The following LRRC37A3 variants were observed in gnomAD, a reference collection of about 807,000 sequenced individuals.
LRRC37A3 encodes leucine-rich repeat-containing protein 37A3.
A neutral mutation model predicts 106.2 loss-of-function variants in LRRC37A3; 25 were observed. The ratio of observed to expected loss-of-function variants is 0.24; its 90% CI spans 0.17 to 0.33. The LOEUF (loss-of-function observed/expected upper bound fraction) is 0.33, where lower values mean the gene tolerates loss of function less well. Among genes scored for constraint, LRRC37A3 ranks in the 10% least tolerant of loss-of-function variants. LRRC37A3 has a pLI of 1.00. For missense variants in LRRC37A3, 712 were observed against 1,644.9 expected (o/e 0.43, Z 9.81); for synonymous variants, 305 against 635.8 (o/e 0.48, Z 7.83).
intron 2 of LRRC37A3, among the ~76,000 whole-genome samples, chr17:64,915,714 CA>C (rs1974688039): frequency 6.6e-6 from 1 of 152,190 alleles, no homozygotes; most frequent in South Asian, 2.1e-4. Flanking sequence ...CAATGAAACA[CA>C]AGGCACAGAT....
At position 64,863,024 on chromosome 17, in the gene LRRC37A3, G is replaced by A. The variant is rs1567764542; in HGVS notation, c.3054-6C>T. ...CCATATGGCTAGGTACGATCCTATAGATGAAAACAGAGAGCAATAAATTAG... is the reference window on the plus strand; with the variant it reads ...CCATATGGCTAGGTACGATCCTATAAATGAAAACAGAGAGCAATAAATTAG... On this transcript the variant is annotated splice_polypyrimidine_tract_variant and splice_region_variant and intron_variant, in intron 10 of 14. Transcript: ENST00000584306. 2 of 1,597,782 alleles carry A rather than the reference G, an allele frequency of 1.3e-6. No individual in the cohort carries two copies. Among genetic ancestry groups the A allele is most frequent in the East Asian group, 2.2e-5 (1 of 44,886 alleles).
chr17:64,856,325 G>A (rs1393579978), intron 13 of LRRC37A3, among the ~76,000 whole-genome samples: 3 of 151,666 alleles, frequency 2.0e-5, no homozygotes, highest in South Asian at 2.1e-4. Context: ...CCAGTGATCC[G>A]CCCACCTCAG....
At chr17:64,858,708 A>G in intron 13 of LRRC37A3, 71 bp downstream of exon 13, 1 of 1,226,002 alleles carries the variant, frequency 8.2e-7, no homozygotes, top group Middle Eastern at 1.9e-4. Context: ...TTTGGTTTTC[A>G]GTTTGTGAGC....
rs913349893 is a variant in LRRC37A3, at chr17:64,877,322, C to T, written c.2907-8156G>A. On this transcript the variant is annotated intron_variant, in intron 8 of 14. Coordinates refer to ENST00000584306, the MANE Select transcript of LRRC37A3 (RefSeq NM_199340.5). Reference sequence around the variant, plus strand: ...GTTCAAGTGATTCTCCTACCTCAGCCTCCTGAGTAGCTGGGATTATAGGCG... The same window carrying T: ...GTTCAAGTGATTCTCCTACCTCAGCTTCCTGAGTAGCTGGGATTATAGGCG... Among the ~76,000 whole-genome samples, 7 of 152,200 alleles carry T rather than the reference C, an allele frequency of 4.6e-5. No individual in the cohort carries two copies. In the South Asian group the frequency reaches 1.0e-3, roughly 23 times the overall value.
chr17:64,861,597 C>A (rs1221111132), intron 11 of LRRC37A3, among the ~76,000 whole-genome samples: 1 of 152,186 alleles, frequency 6.6e-6, no homozygotes, highest in South Asian at 2.1e-4. Flanking sequence ...ACTGTGTCCA[C>A]CCTAGTTCTT....
intron 2 of LRRC37A3, among the ~76,000 whole-genome samples, chr17:64,914,916 T>C (rs894228401): frequency 1.3e-5 from 2 of 149,798 alleles, no homozygotes; most frequent in African/African-American, 4.9e-5. Flanking sequence ...CTCATTCATA[T>C]ATGAGAGATT....
chr17:64,909,894 G>A (rs1159942906), intron 2 of LRRC37A3: 1 of 152,082 alleles, frequency 6.6e-6, no homozygotes, highest in Non-Finnish European at 1.5e-5. Context: ...TTTCTTGACT[G>A]AATGGCACAG....
rs9898149 is a variant in LRRC37A3, at chr17:64,866,803, A to G, written c.3053+1659T>C. On this transcript the variant is annotated intron_variant, in intron 10 of 14. Coordinates refer to ENST00000584306, the MANE Select transcript of LRRC37A3 (RefSeq NM_199340.5). Reference sequence around the variant, plus strand: ...GTGCCACCACACCTGGCTGATTTTTATATATATATATATATATATATCCTG... The same window carrying G: ...GTGCCACCACACCTGGCTGATTTTTGTATATATATATATATATATATCCTG... 3.4e-5 allele frequency among the ~76,000 whole-genome samples: 4 copies of G among 116,804 alleles called. No homozygotes were observed. In the South Asian group the frequency reaches 9.6e-4, roughly 28 times the overall value. The allele number at this position is 116,804 out of a possible 152,430, so 76.6% of individuals were successfully genotyped here.
intron 10 of LRRC37A3, chr17:64,863,440 C>T (rs1325445744): frequency 9.9e-6 from 2 of 202,688 alleles, no homozygotes; most frequent in African/African-American, 2.4e-5. Flanking sequence ...TTAAAAATAG[C>T]TTAGTTTAAC....
In LRRC37A3 at chr17:64,909,558, A is replaced by AT. The variant is rs1211640338; in HGVS notation, c.-496+9191dup. 1.2e-4 allele frequency: 19 copies of AT among 152,298 alleles called. No homozygotes were observed. In the South Asian group the frequency reaches 2.5e-3, roughly 20 times the overall value. 9.4% of individuals were successfully genotyped at this position (152,298 alleles called of 1,614,324 possible). Reference sequence around the variant, plus strand: ...TCCCAGGTGAAGCTCAGTAATCTGTATTTTTATCCTTCTCCCCAAATAATT... The same window carrying AT: ...TCCCAGGTGAAGCTCAGTAATCTGTATTTTTTATCCTTCTCCCCAAATAATT... On this transcript the variant is annotated intron_variant, in intron 2 of 14. Coordinates refer to ENST00000584306, the MANE Select transcript of LRRC37A3 (RefSeq NM_199340.5).
At chr17:64,867,490 C>G (rs1362293402) in intron 10 of LRRC37A3, among the ~76,000 whole-genome samples, 1 of 152,114 alleles carries the variant, frequency 6.6e-6, no homozygotes, top group Non-Finnish European at 1.5e-5. Flanking sequence ...AGATAGATAC[C>G]AAAGTCCACA....
chr17:64,866,947 T>C (rs1456429194), intron 10 of LRRC37A3, among the ~76,000 whole-genome samples: 1 of 150,100 alleles, frequency 6.7e-6, no homozygotes, highest in Non-Finnish European at 1.5e-5. Flanking sequence ...TGAGACCTCA[T>C]TTCTACAAAA....
Position 64,859,827 on chromosome 17 carries a change from T to A in LRRC37A3, c.4319A>T (p.Gln1440Leu). 1 of 1,612,220 alleles carries A rather than the reference T, an allele frequency of 6.2e-7. No homozygotes were observed. The highest frequency in any genetic ancestry group is 2.1e-4 in the Middle Eastern group (1 of 4,826). Residue 1440 changes from glutamine (Q) to leucine (L), a missense_variant, in exon 12 of 15, where the codon CAA becomes CTA. By Grantham distance (113) the Gln-to-Leu change is moderately radical. Transcript: ENST00000584306. ...TAFNLGPTVK[Q>L]TETKWEYNNV... ...GTTGTATTCCCATTTTGTCTCAGTT[T>A]GTTTAACAGTTGGCCCTAAGTTGAA...
intron 10 of LRRC37A3, 86 bp downstream of exon 10, chr17:64,868,376 C>T: frequency 7.2e-7 from 1 of 1,388,952 alleles, no homozygotes; most frequent in Non-Finnish European, 9.9e-7. Flanking sequence ...GAAAATTATA[C>T]CTCAATGAAC....
In LRRC37A3 at chr17:64,919,059, C is replaced by G. The variant is rs901041933; in HGVS notation, c.-616-189G>C. Among the ~76,000 whole-genome samples the G allele has an allele frequency of 1.9e-4, 29 of 151,884 alleles. 1 individual carries two copies. Among genetic ancestry groups the G allele is most frequent in the African/African-American group, 4.3e-4 (18 of 41,388 alleles). ...GCTTTCTCCGGCTACTGCTGCCCCC[C>G]CTGGGCGAGCTCAGCCGCGTCTTGG... On this transcript the variant is annotated intron_variant, in intron 1 of 14. Transcript: ENST00000584306.
At chr17:64,856,973 C>T (rs1441156934) in intron 13 of LRRC37A3, among the ~76,000 whole-genome samples, 2 of 150,320 alleles carry the variant, frequency 1.3e-5, no homozygotes, top group African/African-American at 2.5e-5. Flanking sequence ...GACAACAAGG[C>T]CCTGAGAAGG....
At chr17:64,859,055 T>C (rs1024675009) in intron 12 of LRRC37A3, among the ~76,000 whole-genome samples, 172 bp from the exon 13 acceptor site, 1 of 152,050 alleles carries the variant, frequency 6.6e-6, no homozygotes, top group Non-Finnish European at 1.5e-5. Flanking sequence ...TGGGCTCAGG[T>C]GATCCTCCCA....
chr17:64,890,686 G>T (rs1397056306), intron 5 of LRRC37A3, among the ~76,000 whole-genome samples: 6 of 144,416 alleles, frequency 4.2e-5, no homozygotes, highest in Non-Finnish European at 7.4e-5. Context: ...ATAAAAATTA[G>T]CTGGGTGTGA....
At chr17:64,917,107 G>T (rs1056273168) in intron 2 of LRRC37A3, among the ~76,000 whole-genome samples, 2 of 151,708 alleles carry the variant, frequency 1.3e-5, no homozygotes, top group African/African-American at 4.8e-5. Context: ...TTAGCCGGGC[G>T]TGGTGGTAGG....
Sources: allele counts gnomAD v4.1 joint callset (sites outside exome capture counted in the v4.1 genomes callset), GRCh38; gene constraint gnomAD v4.1.1; transcripts MANE v1.5; gene names NCBI Gene and HGNC (gene_info 2026-07-23, HGNC 2026-07-21).